The following HCRTR2 variants were observed in gnomAD, a reference collection of about 807,000 sequenced individuals.
The protein encoded by HCRTR2 is hypocretin receptor 2, also known as orexin receptor type 2.
In HCRTR2, 22 loss-of-function variants were observed where a neutral mutation model predicts 49.0. That is an observed-to-expected ratio of 0.45 (90% CI 0.32 to 0.64). The LOEUF is 0.64. Ranked by LOEUF, HCRTR2 falls within the 30% of genes least tolerant of loss-of-function variation. The pLI, the probability that HCRTR2 is intolerant of heterozygous loss-of-function variation, is 0.04. For synonymous variants in HCRTR2, 236 were observed against 205.3 expected (o/e 1.15, Z -1.28); for missense variants, 491 against 559.4 (o/e 0.88, Z 1.23).
chr6:55,246,546 A>G (rs2127310292), intron 1 of HCRTR2, among the ~76,000 whole-genome samples: 1 of 152,198 alleles, frequency 6.6e-6, no homozygotes, highest in South Asian at 2.1e-4. Flanking sequence ...AAAAAATTAT[A>G]TGATCCTATC....
At chr6:55,241,026 G>T (rs913188305) in intron 1 of HCRTR2, among the ~76,000 whole-genome samples, 1 of 151,062 alleles carries the variant, frequency 6.6e-6, no homozygotes, top group Non-Finnish European at 1.5e-5. Flanking sequence ...ACAATGTGCA[G>T]GTTAGTTACA....
intron 1 of HCRTR2, among the ~76,000 whole-genome samples, chr6:55,119,926 C>A (rs1008650081): frequency 1.3e-5 from 2 of 151,990 alleles, no homozygotes; most frequent in Non-Finnish European, 2.9e-5. Context: ...AGTCTTTAAT[C>A]CATCTTGAGT....
chr6:55,235,133 A>G (rs925438345), intron 1 of HCRTR2, among the ~76,000 whole-genome samples: 1 of 152,188 alleles, frequency 6.6e-6, no homozygotes, highest in African/African-American at 2.4e-5. Flanking sequence ...CAATTAATCT[A>G]TGGTGTTACA....
At chr6:55,264,784 TG>T (rs1243762649) in intron 4 of HCRTR2, among the ~76,000 whole-genome samples, 1 of 152,156 alleles carries the variant, frequency 6.6e-6, no homozygotes, top group African/African-American at 2.4e-5. Flanking sequence ...CTAAACTTAC[TG>T]CCGATACTTA....
At chr6:55,164,706 T>C (rs1764851775) in intron 1 of HCRTR2, among the ~76,000 whole-genome samples, 1 of 152,098 alleles carries the variant, frequency 6.6e-6, no homozygotes, top group South Asian at 2.1e-4. Context: ...CAAACCACCG[T>C]GGCACATGTA....
At chr6:55,261,965 T>C (rs1367378023) in intron 3 of HCRTR2, among the ~76,000 whole-genome samples, 7 of 152,102 alleles carry the variant, frequency 4.6e-5, no homozygotes, top group Admixed American at 3.3e-4. Flanking sequence ...AACGAAATAA[T>C]GGCATTCCCA....
intron 1 of HCRTR2, among the ~76,000 whole-genome samples, chr6:55,185,987 C>T (rs1348662219): frequency 3.3e-5 from 5 of 152,184 alleles, no homozygotes; most frequent in African/African-American, 9.7e-5. Flanking sequence ...TCTTAGAATG[C>T]CAGCTTTGAA....
chr6:55,144,767 T>G lies in HCRTR2; in HGVS notation c.-377-29444T>G, dbSNP rs188981835. 2.7e-3 allele frequency among the ~76,000 whole-genome samples: 412 copies of G among 152,190 alleles called. 3 individuals carry two copies. The highest frequency in any genetic ancestry group is 9.5e-3 in the African/African-American group (395 of 41,528). On this transcript the variant is annotated intron_variant, in intron 1 of 7. Transcript: ENST00000615358. ...GGACCTTTCTCCATAAATTTCCAAG[T>G]GATATGACCAGTGGGCACCAAAGAC...
In HCRTR2 at chr6:55,248,693, T is replaced by G; in HGVS notation, c.278T>G (p.Ile93Arg). The G allele has an allele frequency of 6.2e-7, 1 of 1,613,530 alleles. No individual in the cohort carries two copies. The highest frequency in any genetic ancestry group is 8.5e-7 in the Non-Finnish European group (1 of 1,179,546). The change falls in exon 2 of 7, where the codon ATA becomes AGA. Residue 93 changes from isoleucine to arginine, a missense_variant. Ile to Arg is a moderately conservative substitution (Grantham distance 97, BLOSUM62 -3). Coordinates refer to ENST00000370862, the MANE Select transcript of HCRTR2 (RefSeq NM_001384272.1). ...ATGAGGACGGTAACCAACTACTTCA[T>G]AGTCAATCTTTCTCTGGCTGATGTG... The part of the protein sequence containing the change: ...HHMRTVTNYF[I>R]VNLSLADVLV...
chr6:55,149,652 A>G (rs778745607), intron 1 of HCRTR2, among the ~76,000 whole-genome samples: 3 of 152,104 alleles, frequency 2.0e-5, no homozygotes, highest in Non-Finnish European at 2.9e-5. Flanking sequence ...TCTTGATATC[A>G]TGAAACCAAC....
At chr6:55,221,413 A>G (rs1765888562) in intron 1 of HCRTR2, among the ~76,000 whole-genome samples, 2 of 152,242 alleles carry the variant, frequency 1.3e-5, no homozygotes, top group Admixed American at 6.5e-5. Flanking sequence ...CACAAAGACT[A>G]TGGACAGGAT....
intron 1 of HCRTR2, among the ~76,000 whole-genome samples, chr6:55,220,240 A>T (rs1765866445): frequency 6.6e-6 from 1 of 152,206 alleles, no homozygotes; most frequent in African/African-American, 2.4e-5. Context: ...AGATATTACA[A>T]CGAACACACA....
intron 1 of HCRTR2, among the ~76,000 whole-genome samples, chr6:55,157,836 C>T (rs536436557): frequency 6.6e-6 from 1 of 152,348 alleles, no homozygotes; most frequent in East Asian, 1.9e-4. Flanking sequence ...GCAGATATGA[C>T]TGCAATGATC....
intron 1 of HCRTR2, among the ~76,000 whole-genome samples, chr6:55,187,575 T>G (rs1319079130): frequency 6.6e-6 from 1 of 151,948 alleles, no homozygotes; most frequent in African/African-American, 2.4e-5. Context: ...AATGGGCTTC[T>G]TGGAGTTGTT....
intron 4 of HCRTR2, among the ~76,000 whole-genome samples, chr6:55,265,210 T>G (rs960440616): frequency 6.6e-6 from 1 of 152,144 alleles, no homozygotes; most frequent in African/African-American, 2.4e-5. Context: ...TAGATGTTGG[T>G]GACAGTTTTC....
At chr6:55,282,651 A>C (rs1175750624), downstream of HCRTR2, 1 of 586,458 alleles carries the variant, frequency 1.7e-6, no homozygotes, top group African/African-American at 1.9e-5. Context: ...ATATGTTAGA[A>C]GTTTAACCTT....
At chr6:55,253,212 A>ACACG (rs890788724) in intron 2 of HCRTR2, among the ~76,000 whole-genome samples, 1 of 151,896 alleles carries the variant, frequency 6.6e-6, no homozygotes, top group African/African-American at 2.4e-5. Flanking sequence ...ACACACACAC[A>ACACG]CACACGCAAC....
chr6:55,243,036 G>A (rs527427278), intron 1 of HCRTR2, among the ~76,000 whole-genome samples: 35 of 151,868 alleles, frequency 2.3e-4, no homozygotes, highest in African/African-American at 8.3e-4. Context: ...CACTTTCCAT[G>A]TCTTACGGAG....
At chr6:55,165,025 G>A (rs747791989) in intron 1 of HCRTR2, among the ~76,000 whole-genome samples, 1 of 152,040 alleles carries the variant, frequency 6.6e-6, no homozygotes, top group South Asian at 2.1e-4. Context: ...AAATTCAATT[G>A]ATATACAAAA....
Sources: allele counts gnomAD v4.1 joint callset (sites outside exome capture counted in the v4.1 genomes callset), GRCh38; gene constraint gnomAD v4.1.1; transcripts MANE v1.5; gene names NCBI Gene and HGNC (gene_info 2026-07-23, HGNC 2026-07-21).